The following SYK variants were observed in gnomAD, a reference collection of about 807,000 sequenced individuals.
The protein encoded by SYK is tyrosine-protein kinase SYK.
A neutral mutation model predicts 77.8 loss-of-function variants in SYK; 16 were observed. The ratio of observed to expected loss-of-function variants is 0.21; its 90% CI spans 0.14 to 0.31. The LOEUF (loss-of-function observed/expected upper bound fraction) is 0.31, where lower values mean the gene tolerates loss of function less well. Among genes scored for constraint, SYK ranks in the 10% least tolerant of loss-of-function variants. The probability of loss-of-function intolerance (pLI) is 1.00; values close to 1 mark genes in which losing one functional copy is unlikely to be tolerated. For synonymous variants in SYK, 312 were observed against 308.7 expected, an observed-to-expected ratio of 1.01 and a Z score of -0.11; for missense variants, 529 against 814.4, an observed-to-expected ratio of 0.65 and a Z score of 4.26.
chr9:90,838,441 G>T (rs1038637356), intron 1 of SYK, among the ~76,000 whole-genome samples: 1 of 152,186 alleles, frequency 6.6e-6, no homozygotes, highest in African/African-American at 2.4e-5. Context: ...CATTACAGAA[G>T]ATTATTTCAT....
Position 90,872,285 on chromosome 9 carries a change from A to C in SYK, c.916-1919A>C, listed in dbSNP as rs1040099836. Among the ~76,000 whole-genome samples, 12 of 152,318 alleles carry C rather than the reference A, an allele frequency of 7.9e-5. No homozygotes were observed. The South Asian group carries it at 1.2e-3, about 16-fold the overall frequency. ...GGACAGGAGGTCTTATGTCAAGAAGAGGTGATGGTCCCTCTCCTCACCAGT... is the reference window on the plus strand; with the variant it reads ...GGACAGGAGGTCTTATGTCAAGAAGCGGTGATGGTCCCTCTCCTCACCAGT... On this transcript the variant is annotated intron_variant, in intron 7 of 13. Transcript: ENST00000375754.
intron 3 of SYK, among the ~76,000 whole-genome samples, chr9:90,849,867 T>C: frequency 6.6e-6 from 1 of 152,268 alleles, no homozygotes; most frequent in Non-Finnish European, 1.5e-5. Context: ...TTATAGAGTA[T>C]CATAAACCGA....
rs563274481 is a variant in SYK at position 90,854,898 on chromosome 9, C to T, written c.579-7308C>T. On this transcript the variant is annotated intron_variant, in intron 3 of 13. Transcript: ENST00000375754. ...AGTTCCAGGTGCAGCATGACACACT[C>T]GTTATCTCCACCTCTCTTCTCCCCT... Among the ~76,000 whole-genome samples the T allele has an allele frequency of 3.9e-5, 6 of 152,122 alleles. No homozygotes were observed. In the East Asian group the frequency reaches 7.7e-4, roughly 20 times the overall value.
At position 90,898,130 on chromosome 9, in the gene SYK, G is replaced by A. The variant is rs141926409; in HGVS notation, c.*2530G>A. The A allele has an allele frequency of 1.2e-3, 278 of 229,310 alleles. 1 individual carries two copies. The highest frequency in any genetic ancestry group is 5.9e-3 in the African/African-American group (265 of 45,236). The allele number at this position is 229,310 out of a possible 1,614,324, so 14.2% of individuals were successfully genotyped here. ...TTACCTTATGGTCCTTCTTTAGCAG[G>A]TAACAAAGGAGCATCAGGGGCAGGC... On this transcript the variant is annotated 3_prime_UTR_variant, in exon 14 of 14. Coordinates refer to ENST00000375754, the MANE Select transcript of SYK (RefSeq NM_003177.7).
intron 1 of SYK, among the ~76,000 whole-genome samples, chr9:90,823,405 G>C (rs952836274): frequency 2.6e-5 from 4 of 152,098 alleles, no homozygotes; most frequent in Non-Finnish European, 5.9e-5. Context: ...TGATCTAATT[G>C]ACATTTATAA....
At chr9:90,856,498 C>T (rs7866696) in intron 3 of SYK, among the ~76,000 whole-genome samples, 22,455 of 152,002 alleles carry the variant, frequency 0.15, 2,463 homozygotes, top group African/African-American at 0.27. Flanking sequence ...ATTCTTCCAG[C>T]GCACTAATTT....
At chr9:90,863,413 C>G (rs1002104640) in intron 4 of SYK, among the ~76,000 whole-genome samples, 2 of 152,144 alleles carry the variant, frequency 1.3e-5, no homozygotes, top group African/African-American at 4.8e-5. Flanking sequence ...AAAATCCTGT[C>G]TTTTCAAAAA....
At chr9:90,857,185 C>T (rs922555766) in intron 3 of SYK, among the ~76,000 whole-genome samples, 4 of 152,354 alleles carry the variant, frequency 2.6e-5, no homozygotes, top group Admixed American at 6.5e-5. Flanking sequence ...TAGGCTGTCA[C>T]GAGCCTCCTT....
At chr9:90,874,626 G>C (rs543443047) in intron 8 of SYK, 46 bp from the exon 9 acceptor site, 1 of 1,570,544 alleles carries the variant, frequency 6.4e-7, no homozygotes, top group East Asian at 2.3e-5. Flanking sequence ...ATGAATCCTG[G>C]TGTGGGGTCC....
chr9:90,873,174 G>T (rs1329880864), intron 7 of SYK, among the ~76,000 whole-genome samples: 1 of 152,148 alleles, frequency 6.6e-6, no homozygotes, highest in Admixed American at 6.5e-5. Context: ...TATGAATAAG[G>T]CACATGAGGA....
At chr9:90,885,862 G>A (rs956246598) in intron 11 of SYK, among the ~76,000 whole-genome samples, 1 of 152,168 alleles carries the variant, frequency 6.6e-6, no homozygotes, top group Admixed American at 6.5e-5. Context: ...TACAGGCCAG[G>A]AGAGAAGGGG....
intron 1 of SYK, among the ~76,000 whole-genome samples, chr9:90,829,068 A>T (rs1254920140): frequency 6.6e-6 from 1 of 152,184 alleles, no homozygotes; most frequent in Non-Finnish European, 1.5e-5. Flanking sequence ...AGGTGGGCGG[A>T]TCATGAGGTC....
intron 7 of SYK, among the ~76,000 whole-genome samples, chr9:90,867,434 A>C (rs1463186031): frequency 6.6e-6 from 1 of 152,210 alleles, no homozygotes; most frequent in Admixed American, 6.5e-5. Flanking sequence ...CAGTGTGAGC[A>C]TGCTTTCTGT....
intron 1 of SYK, among the ~76,000 whole-genome samples, chr9:90,825,966 C>A (rs2118455779): frequency 6.6e-6 from 1 of 152,304 alleles, no homozygotes; most frequent in Middle Eastern, 3.4e-3. Flanking sequence ...TAGAGCTTCA[C>A]CCCAGAGTTT....
chr9:90,853,999 G>A (rs1254841204), intron 3 of SYK, among the ~76,000 whole-genome samples: 4 of 152,246 alleles, frequency 2.6e-5, no homozygotes, highest in Admixed American at 1.3e-4. Context: ...GAAGTGAAGC[G>A]GTGGATGCCG....
chr9:90,869,353 A>C (rs911520813), intron 7 of SYK, among the ~76,000 whole-genome samples: 3 of 152,220 alleles, frequency 2.0e-5, no homozygotes, highest in African/African-American at 7.2e-5. Context: ...AGAAATAAGA[A>C]ACTGGAAATA....
intron 1 of SYK, among the ~76,000 whole-genome samples, chr9:90,821,175 T>A (rs773284836): frequency 2.3e-4 from 35 of 152,352 alleles, no homozygotes; most frequent in Non-Finnish European, 4.4e-4. Flanking sequence ...GGTTCCAAAC[T>A]TTCCCACATT....
chr9:90,831,618 A>G (rs1825896501), intron 1 of SYK, among the ~76,000 whole-genome samples: 1 of 152,200 alleles, frequency 6.6e-6, no homozygotes, highest in Non-Finnish European at 1.5e-5. Flanking sequence ...TGGATTCCAT[A>G]TCTCCGCATT....
chr9:90,862,158 T>G, intron 3 of SYK, 48 bp from the exon 4 acceptor site: 2 of 1,563,136 alleles, frequency 1.3e-6, no homozygotes, highest in Non-Finnish European at 1.7e-6. Flanking sequence ...GGGTCCCACC[T>G]GGAGACTGGC....
Sources: allele counts gnomAD v4.1 joint callset (sites outside exome capture counted in the v4.1 genomes callset), GRCh38; gene constraint gnomAD v4.1.1; transcripts MANE v1.5; gene names NCBI Gene and HGNC (gene_info 2026-07-23, HGNC 2026-07-21).